The following TSGA10 variants were observed in gnomAD, a reference collection of about 807,000 sequenced individuals.
TSGA10 encodes testis specific 10, also known as testis-specific gene 10 protein.
Under a neutral mutation model 96.6 loss-of-function variants are expected in TSGA10, and 43 were observed. The observed-to-expected ratio is 0.44, with a 90% CI of 0.35 to 0.57. TSGA10 has a LOEUF of 0.57. Ranked by LOEUF, TSGA10 falls within the 20% of genes least tolerant of loss-of-function variation. TSGA10 has a pLI of 0.01. For missense variants in TSGA10, 703 were observed against 834.4 expected (o/e 0.84, Z 1.94); for synonymous variants, 229 against 269.9 (o/e 0.85, Z 1.48).
At chr2:99,116,314 T>TA (rs1210120608) in intron 4 of TSGA10, among the ~76,000 whole-genome samples, 1 of 152,088 alleles carries the variant, frequency 6.6e-6, no homozygotes, top group Admixed American at 6.6e-5. Flanking sequence ...ATTTTATAAT[T>TA]ACATTTAATC....
At chr2:99,029,527 C>T (rs887282599) in intron 17 of TSGA10, among the ~76,000 whole-genome samples, 1 of 152,082 alleles carries the variant, frequency 6.6e-6, no homozygotes, top group African/African-American at 2.4e-5. Flanking sequence ...ATATTTTTGA[C>T]CCTAACTTCT....
rs1408617388 is a variant in TSGA10 at position 99,004,373 on chromosome 2, A to G, written c.2073-6152T>C. Among the ~76,000 whole-genome samples, 4 of 151,208 alleles carry G rather than the reference A, an allele frequency of 2.6e-5. No individual in the cohort carries two copies. The East Asian group carries it at 5.9e-4, about 22-fold the overall frequency. On this transcript the variant is annotated intron_variant, in intron 20 of 20. Transcript: ENST00000393483. ...CAGCCGAATTCTACCAGAGGTACAA[A>G]GAGGAGCTGGTACCATTCCTTCTGA... is the stretch of plus-strand genomic sequence containing the variant.
chr2:99,097,407 TAA>T (rs997317394), intron 10 of TSGA10, among the ~76,000 whole-genome samples: 2 of 152,094 alleles, frequency 1.3e-5, no homozygotes, highest in African/African-American at 2.4e-5. Flanking sequence ...CAAACAACAG[TAA>T]GTGTTTTATT....
intron 10 of TSGA10, among the ~76,000 whole-genome samples, chr2:99,092,274 C>T (rs1057148993): frequency 6.6e-6 from 1 of 152,064 alleles, no homozygotes; most frequent in Admixed American, 6.6e-5. Flanking sequence ...CTTTGGGATA[C>T]AGCAAAGGCA....
intron 12 of TSGA10, among the ~76,000 whole-genome samples, chr2:99,077,127 C>CT (rs35876721): frequency 0.071 from 5,006 of 70,428 alleles, 1,705 homozygotes; most frequent in Non-Finnish European, 0.11. Context: ...GACCATTCAC[C>CT]TTTTTTTTTT....
rs188879545 is a variant in TSGA10, at chr2:99,021,740, C to G, written c.1615-1258G>C. Among the ~76,000 whole-genome samples the G allele has an allele frequency of 5.4e-3, 827 of 152,298 alleles. 4 individuals carry two copies. The highest frequency in any genetic ancestry group is 0.019 in the African/African-American group (794 of 41,566). On this transcript the variant is annotated intron_variant, in intron 17 of 20. Coordinates refer to ENST00000393483, the MANE Select transcript of TSGA10 (RefSeq NM_025244.4). Reference sequence around the variant, plus strand: ...CAAAAATGTCATTACTAAATGCACACTGGGAGCAAACTCTCTTTCAGCTGA... The same window carrying G: ...CAAAAATGTCATTACTAAATGCACAGTGGGAGCAAACTCTCTTTCAGCTGA...
intron 10 of TSGA10, among the ~76,000 whole-genome samples, chr2:99,085,811 T>C (rs1251134094): frequency 6.6e-6 from 1 of 152,024 alleles, no homozygotes; most frequent in African/African-American, 2.4e-5. Context: ...GATAAATGAA[T>C]TAGCACACTG....
In TSGA10 at chr2:99,154,756, C is replaced by T. The variant is rs941669080; in HGVS notation, c.-684G>A. On this transcript the variant is annotated 5_prime_UTR_variant, in exon 1 of 21. Transcript: ENST00000393483. ...CGGGGAAGTCCCATCTGAACTGGGG[C>T]CTTATGACCTTCGGTACTTTTATTC... The T allele has an allele frequency of 4.6e-5, 14 of 306,714 alleles. No homozygotes were observed. Among genetic ancestry groups the T allele is most frequent in the South Asian group, 3.4e-4 (14 of 40,650 alleles). The allele number at this position is 306,714 out of a possible 1,614,324, so 19.0% of individuals were successfully genotyped here.
intron 20 of TSGA10, among the ~76,000 whole-genome samples, chr2:99,004,132 C>T (rs146913586): frequency 1.7e-4 from 26 of 152,274 alleles, no homozygotes; most frequent in African/African-American, 5.1e-4. Flanking sequence ...ACTGATCCCA[C>T]GGAAATGCAA....
intron 1 of TSGA10, among the ~76,000 whole-genome samples, chr2:99,135,783 C>G (rs13035357): frequency 6.6e-6 from 1 of 151,874 alleles, no homozygotes; most frequent in Non-Finnish European, 1.5e-5. Flanking sequence ...CTGAGGCGGG[C>G]GGATCACCTG....
At chr2:99,091,772 C>T (rs1175532228) in intron 10 of TSGA10, among the ~76,000 whole-genome samples, 1 of 151,762 alleles carries the variant, frequency 6.6e-6, no homozygotes, top group Non-Finnish European at 1.5e-5. Flanking sequence ...AAATATAGAA[C>T]AGTTACTACT....
At chr2:99,025,936 A>G (rs1371164549) in intron 17 of TSGA10, among the ~76,000 whole-genome samples, 1 of 152,182 alleles carries the variant, frequency 6.6e-6, no homozygotes, top group African/African-American at 2.4e-5. Flanking sequence ...TAACAATTCC[A>G]TTGTGATGGG....
chr2:99,014,458 C>A (rs1232305116), intron 20 of TSGA10, among the ~76,000 whole-genome samples: 1 of 152,090 alleles, frequency 6.6e-6, no homozygotes, highest in Non-Finnish European at 1.5e-5. Context: ...TAGTGAAACA[C>A]AACTTATCAA....
intron 16 of TSGA10, among the ~76,000 whole-genome samples, chr2:99,050,389 T>C (rs528886384): frequency 2.0e-5 from 3 of 152,190 alleles, no homozygotes; most frequent in Non-Finnish European, 2.9e-5. Context: ...GATTTTCATA[T>C]GTATTTTGAA....
intron 12 of TSGA10, among the ~76,000 whole-genome samples, chr2:99,074,000 C>CTTTTTT (rs1167854716): frequency 0.029 from 1,549 of 52,706 alleles, 175 homozygotes; most frequent in Non-Finnish European, 0.043. Flanking sequence ...TGTTTCTTTT[C>CTTTTTT]TTTTTTTTTT....
chr2:99,121,581 C>G (rs1225301703), intron 2 of TSGA10, among the ~76,000 whole-genome samples: 2 of 132,388 alleles, frequency 1.5e-5, no homozygotes, highest in Non-Finnish European at 3.3e-5. Context: ...AAGTGATCCT[C>G]CCACCTCAGC....
At chr2:99,088,591 C>T (rs754300975) in intron 10 of TSGA10, among the ~76,000 whole-genome samples, 8 of 152,122 alleles carry the variant, frequency 5.3e-5, no homozygotes, top group East Asian at 1.9e-4. Flanking sequence ...TAAATTGTTA[C>T]TGGGACTGTA....
chr2:99,109,089 G>C (rs1175569068), intron 6 of TSGA10, 98 bp from the exon 7 acceptor site: 2 of 937,194 alleles, frequency 2.1e-6, no homozygotes, highest in Non-Finnish European at 3.1e-6. Context: ...AAGAAAATAA[G>C]ACTATATAAT....
intron 16 of TSGA10, among the ~76,000 whole-genome samples, chr2:99,040,046 C>T (rs1412087454): frequency 6.6e-6 from 1 of 151,986 alleles, no homozygotes; most frequent in Admixed American, 6.6e-5. Context: ...TAGATGCAGA[C>T]AAAACATATG....
Sources: allele counts gnomAD v4.1 joint callset (sites outside exome capture counted in the v4.1 genomes callset), GRCh38; gene constraint gnomAD v4.1.1; transcripts MANE v1.5; gene names NCBI Gene and HGNC (gene_info 2026-07-23, HGNC 2026-07-21).